Variants in EXOC4 observed in about 807,000 individuals in gnomAD.
The protein encoded by EXOC4 is SEC8-like 1.
In EXOC4, 71 loss-of-function variants were observed where a neutral mutation model predicts 107.2. The observed-to-expected ratio is 0.66, with a 90% CI of 0.55 to 0.81. The LOEUF is 0.81. EXOC4 is among the 30% of genes least tolerant of loss of function. The pLI is 0.00. For missense variants in EXOC4, 1,108 were observed against 1,189.6 expected (o/e 0.93, Z 1.01); for synonymous variants, 456 against 441.2 (o/e 1.03, Z -0.42).
intron 9 of EXOC4, among the ~76,000 whole-genome samples, chr7:133,524,907 A>G (rs1180364605): frequency 6.6e-6 from 1 of 152,158 alleles, no homozygotes; most frequent in Middle Eastern, 3.2e-3. Flanking sequence ...TACTATTTCA[A>G]GAATATCTCT....
intron 7 of EXOC4, among the ~76,000 whole-genome samples, chr7:133,404,262 G>C (rs1204871591): frequency 6.6e-6 from 1 of 152,036 alleles, no homozygotes; most frequent in African/African-American, 2.4e-5. Flanking sequence ...ACTACGCCCG[G>C]CTAATTTTTT....
At chr7:133,256,750 A>T (rs1323659658) in intron 1 of EXOC4, among the ~76,000 whole-genome samples, 2 of 152,122 alleles carry the variant, frequency 1.3e-5, no homozygotes, top group East Asian at 3.9e-4. Flanking sequence ...GGTAGCATTT[A>T]TTGTTAGTCA....
At chr7:133,634,650 C>G (rs1269671632) in intron 10 of EXOC4, among the ~76,000 whole-genome samples, 2 of 151,988 alleles carry the variant, frequency 1.3e-5, no homozygotes, top group Admixed American at 6.5e-5. Flanking sequence ...CCACCATGCC[C>G]GGCTAATATG....
intron 5 of EXOC4, among the ~76,000 whole-genome samples, chr7:133,335,811 G>A (rs1329889478): frequency 6.6e-6 from 1 of 152,058 alleles, no homozygotes; most frequent in Non-Finnish European, 1.5e-5. Flanking sequence ...AGTGTGTAAG[G>A]GTTCTACTTC....
chr7:133,861,013 A>G (rs770742468), intron 11 of EXOC4, among the ~76,000 whole-genome samples: 5 of 152,224 alleles, frequency 3.3e-5, no homozygotes, highest in Non-Finnish European at 7.3e-5. Context: ...GGACCCATCC[A>G]AAGATATCCA....
intron 14 of EXOC4, among the ~76,000 whole-genome samples, chr7:133,948,854 G>A (rs955219502): frequency 1.3e-5 from 2 of 152,190 alleles, no homozygotes; most frequent in African/African-American, 4.8e-5. Context: ...TCAGAGTGCA[G>A]ACCAGAGTGT....
intron 14 of EXOC4, among the ~76,000 whole-genome samples, chr7:133,980,593 A>G (rs556898447): frequency 5.0e-4 from 76 of 152,360 alleles, no homozygotes; most frequent in African/African-American, 1.8e-3. Flanking sequence ...TGTATGTAAG[A>G]ATTTGGTTCT....
In EXOC4 at chr7:133,434,140, A is replaced by G. The variant is rs1009419007; in HGVS notation, c.1183-41188A>G. Among the ~76,000 whole-genome samples the G allele has an allele frequency of 5.3e-5, 8 of 152,310 alleles. No homozygotes were observed. In the East Asian group the frequency reaches 5.8e-4, roughly 11 times the overall value. ...GTGCCTTCAGCATCATTAGATGCCAATCCTACTGTGTAGGTTCATTTGCAA... is the reference window on the plus strand; with the variant it reads ...GTGCCTTCAGCATCATTAGATGCCAGTCCTACTGTGTAGGTTCATTTGCAA... On this transcript the variant is annotated intron_variant, in intron 7 of 17. Coordinates refer to ENST00000253861, the MANE Select transcript of EXOC4 (RefSeq NM_021807.4).
At chr7:133,994,461 T>A (rs1317617088) in intron 14 of EXOC4, among the ~76,000 whole-genome samples, 1 of 152,104 alleles carries the variant, frequency 6.6e-6, no homozygotes, top group Non-Finnish European at 1.5e-5. Context: ...GGCGCCTGAA[T>A]AACTGTGAAA....
chr7:133,512,979 C>A (rs1441687468), intron 9 of EXOC4, among the ~76,000 whole-genome samples: 2 of 152,054 alleles, frequency 1.3e-5, no homozygotes, highest in African/African-American at 4.8e-5. Flanking sequence ...GTGGCACACA[C>A]CTGTAGTTTC....
chr7:133,321,111 A>G (rs1447874677), intron 5 of EXOC4, among the ~76,000 whole-genome samples: 1 of 152,212 alleles, frequency 6.6e-6, no homozygotes, highest in Non-Finnish European at 1.5e-5. Flanking sequence ...AAGTTCCATT[A>G]GGGAATCCCT....
At chr7:133,470,171 A>G (rs1411322513) in intron 7 of EXOC4, among the ~76,000 whole-genome samples, 1 of 152,204 alleles carries the variant, frequency 6.6e-6, no homozygotes, top group Non-Finnish European at 1.5e-5. Flanking sequence ...AGTAGCTGGG[A>G]TAAATGGAGA....
chr7:133,943,004 A>G (rs987024017), intron 14 of EXOC4, among the ~76,000 whole-genome samples: 5 of 152,142 alleles, frequency 3.3e-5, no homozygotes, highest in Non-Finnish European at 5.9e-5. Context: ...ATTGCCCTAT[A>G]TATTAGCCAC....
intron 9 of EXOC4, among the ~76,000 whole-genome samples, chr7:133,603,324 T>A (rs867242528): frequency 6.6e-6 from 1 of 152,218 alleles, no homozygotes; most frequent in African/African-American, 2.4e-5. Flanking sequence ...CTACAAAAAA[T>A]AATTTTTAAA....
chr7:133,954,161 A>G (rs2116805866), intron 14 of EXOC4, among the ~76,000 whole-genome samples: 1 of 152,362 alleles, frequency 6.6e-6, no homozygotes, highest in African/African-American at 2.4e-5. Flanking sequence ...ACTATAAGCA[A>G]AAATGAACAT....
chr7:133,913,893 G>A (rs931228755), intron 12 of EXOC4, among the ~76,000 whole-genome samples: 9 of 152,182 alleles, frequency 5.9e-5, no homozygotes, highest in African/African-American at 2.2e-4. Context: ...AGTATGGATG[G>A]AGAAAAAGAG....
chr7:133,384,811 AT>A (rs68047320), intron 7 of EXOC4, among the ~76,000 whole-genome samples: 159 of 132,632 alleles, frequency 1.2e-3, no homozygotes, highest in African/African-American at 2.4e-3. Flanking sequence ...AGTTCTTCTG[AT>A]TTTTTTTTTT....
chr7:133,479,990 G>A (rs1257290286), intron 8 of EXOC4, 60 bp from the exon 9 acceptor site: 5 of 1,309,844 alleles, frequency 3.8e-6, no homozygotes, highest in African/African-American at 2.9e-5. Context: ...GGAATACAGA[G>A]CTGGTCAGCA....
intron 7 of EXOC4, among the ~76,000 whole-genome samples, chr7:133,441,091 C>T (rs1798093648): frequency 6.6e-6 from 1 of 152,082 alleles, no homozygotes; most frequent in Non-Finnish European, 1.5e-5. Context: ...GTTTTAACAT[C>T]AATAGCCAGT....
Sources: allele counts gnomAD v4.1 joint callset (sites outside exome capture counted in the v4.1 genomes callset), GRCh38; gene constraint gnomAD v4.1.1; transcripts MANE v1.5; gene names NCBI Gene and HGNC (gene_info 2026-07-23, HGNC 2026-07-21).